The following KIAA0825 variants were observed in gnomAD, a reference collection of about 807,000 sequenced individuals.
KIAA0825 encodes KIAA0825.
KIAA0825 carries 119 observed loss-of-function variants against 147.6 expected under a neutral mutation model. The observed-to-expected ratio is 0.81, with a 90% CI of 0.69 to 0.94. The LOEUF is 0.94. KIAA0825 is among the 40% of genes least tolerant of loss of function. The pLI is 0.00. For missense variants in KIAA0825, 1,381 were observed against 1,472.7 expected (o/e 0.94, Z 1.02); for synonymous variants, 470 against 518.1 (o/e 0.91, Z 1.26).
intron 14 of KIAA0825, among the ~76,000 whole-genome samples, chr5:94,432,494 T>C (rs1215786472): frequency 6.6e-6 from 1 of 152,180 alleles, no homozygotes; most frequent in African/African-American, 2.4e-5. Flanking sequence ...AGCCCACTGA[T>C]ACCTCTAAAC....
intron 10 of KIAA0825, among the ~76,000 whole-genome samples, chr5:94,469,626 CTT>C (rs1760976187): frequency 1.3e-5 from 2 of 152,148 alleles, no homozygotes; most frequent in Non-Finnish European, 2.9e-5. Flanking sequence ...TAATTGGTCT[CTT>C]TGGAAAAAAT....
At chr5:94,519,903 GC>G (rs1562585125) in intron 5 of KIAA0825, 2 of 648,518 alleles carry the variant, frequency 3.1e-6, no homozygotes, top group Admixed American at 5.8e-5. Flanking sequence ...AGATAAAGGA[GC>G]TTATATGTGT....
chr5:94,206,336 G>T (rs1772197490), intron 20 of KIAA0825, among the ~76,000 whole-genome samples: 1 of 151,992 alleles, frequency 6.6e-6, no homozygotes, highest in African/African-American at 2.4e-5. Context: ...AGGCTGTGTT[G>T]TCTGTAATTC....
intron 15 of KIAA0825, among the ~76,000 whole-genome samples, chr5:94,410,777 T>G (rs952376901): frequency 6.6e-6 from 1 of 152,042 alleles, no homozygotes; most frequent in African/African-American, 2.4e-5. Flanking sequence ...ATTTCAAACA[T>G]GAAGGCAAAA....
chr5:94,542,458 T>C (rs1489521587), intron 2 of KIAA0825, among the ~76,000 whole-genome samples: 3 of 152,198 alleles, frequency 2.0e-5, no homozygotes, highest in Non-Finnish European at 2.9e-5. Context: ...ATTTGGAAAC[T>C]ATTTGTGAAT....
intron 14 of KIAA0825, among the ~76,000 whole-genome samples, chr5:94,421,515 C>T (rs1038834178): frequency 6.6e-6 from 1 of 152,204 alleles, no homozygotes; most frequent in Non-Finnish European, 1.5e-5. Context: ...AATGCCTTAG[C>T]AGTATTTATT....
intron 2 of KIAA0825, among the ~76,000 whole-genome samples, chr5:94,544,467 T>C (rs1335355458): frequency 1.3e-5 from 2 of 152,234 alleles, no homozygotes; most frequent in African/African-American, 4.8e-5. Context: ...CTCCAGGGAA[T>C]GGCTCTTACT....
intron 5 of KIAA0825, among the ~76,000 whole-genome samples, chr5:94,497,660 A>G (rs895505832): frequency 2.0e-5 from 3 of 152,196 alleles, no homozygotes; most frequent in Non-Finnish European, 4.4e-5. Flanking sequence ...GGCAAAAACC[A>G]CAATTACTTT....
chr5:94,396,622 C>A, intron 16 of KIAA0825, 113 bp from the exon 17 acceptor site: 1 of 813,622 alleles, frequency 1.2e-6, no homozygotes, highest in Non-Finnish European at 1.8e-6. Context: ...GCAAGAAGAT[C>A]AAGTGCCTGA....
At chr5:94,338,362 G>A (rs922737040) in intron 20 of KIAA0825, among the ~76,000 whole-genome samples, 5 of 151,332 alleles carry the variant, frequency 3.3e-5, no homozygotes, top group African/African-American at 9.7e-5. Flanking sequence ...AAATGTAGTC[G>A]TTTTGACTCT....
chr5:94,357,535 C>T (rs1370738855), intron 20 of KIAA0825, among the ~76,000 whole-genome samples: 3 of 152,096 alleles, frequency 2.0e-5, no homozygotes, highest in Non-Finnish European at 2.9e-5. Flanking sequence ...ACAAAAGAGG[C>T]GGAATTTTGC....
intron 20 of KIAA0825, among the ~76,000 whole-genome samples, chr5:94,177,404 A>G (rs903165609): frequency 6.6e-6 from 1 of 152,074 alleles, no homozygotes; most frequent in Non-Finnish European, 1.5e-5. Context: ...TTTTTTAATA[A>G]CTATAATTTG....
chr5:94,505,464 A>AAGTTATGG (rs1765637375), intron 5 of KIAA0825, among the ~76,000 whole-genome samples: 1 of 152,134 alleles, frequency 6.6e-6, no homozygotes, highest in African/African-American at 2.4e-5. Flanking sequence ...GATTAAATCA[A>AAGTTATGG]AGTTATGGCA....
At chr5:94,337,327 T>G (rs1781915390) in intron 20 of KIAA0825, among the ~76,000 whole-genome samples, 1 of 152,204 alleles carries the variant, frequency 6.6e-6, no homozygotes, top group African/African-American at 2.4e-5. Flanking sequence ...TTGTGTGAAT[T>G]TTGTAATTTG....
chr5:94,529,453 G>GTT (rs1270482799), intron 3 of KIAA0825, among the ~76,000 whole-genome samples: 1 of 89,204 alleles, frequency 1.1e-5, no homozygotes, highest in African/African-American at 3.9e-5. Context: ...TATATATGTA[G>GTT]TGTATATATA....
In KIAA0825 at chr5:94,384,374, T is replaced by G; in HGVS notation, c.3704A>C (p.Lys1235Thr). The G allele has an allele frequency of 6.4e-7, 1 of 1,551,816 alleles. No homozygotes were observed. Among genetic ancestry groups the G allele is most frequent in the Non-Finnish European group, 8.7e-7 (1 of 1,146,902 alleles). ...AGGTCCCCAATTTTATTACCTGTTT[T>G]TGAGCAGCACACTGAAGGTCATCTT... ...LDKMTFSVLL[K>T]NRWEMKKDET... Residue 1235 changes from lysine (K) to threonine (T), a missense_variant, in exon 20 of 21, where the codon AAA becomes ACA. Lys to Thr is a moderately conservative substitution (Grantham distance 78). Transcript: ENST00000682413.
chr5:94,407,380 C>G (rs1257825894), intron 15 of KIAA0825, among the ~76,000 whole-genome samples: 5 of 152,184 alleles, frequency 3.3e-5, no homozygotes, highest in Admixed American at 3.3e-4. Context: ...AACATTCACA[C>G]AAAAACTTGT....
At chr5:94,313,394 C>T (rs1295592256) in intron 20 of KIAA0825, among the ~76,000 whole-genome samples, 2 of 151,652 alleles carry the variant, frequency 1.3e-5, no homozygotes, top group African/African-American at 2.4e-5. Context: ...AAAATGCCAG[C>T]TATCTTCATG....
intron 20 of KIAA0825, among the ~76,000 whole-genome samples, chr5:94,188,062 C>G (rs150240754): frequency 1.3e-5 from 2 of 152,278 alleles, no homozygotes. Context: ...CATCCTCTTT[C>G]CACCATGGGA....
Sources: gnomAD v4.1 joint callset for allele counts (sites outside exome capture counted in the v4.1 genomes callset) on GRCh38, gnomAD v4.1.1 for gene constraint, MANE v1.5 for transcripts, NCBI Gene and HGNC (gene_info 2026-07-23, HGNC 2026-07-21) for gene names.